The following MACROD2 variants were observed in gnomAD, a reference collection of about 807,000 sequenced individuals.
MACROD2 encodes mono-ADP ribosylhydrolase 2, also known as ADP-ribose glycohydrolase MACROD2.
A neutral mutation model predicts 70.4 loss-of-function variants in MACROD2; 36 were observed. The observed-to-expected ratio is 0.51, with a 90% CI of 0.39 to 0.68. The LOEUF is 0.68. MACROD2 is among the 30% of genes least tolerant of loss of function. The pLI, the probability that MACROD2 is intolerant of heterozygous loss-of-function variation, is 0.00. For synonymous variants in MACROD2, 172 were observed against 178.8 expected (o/e 0.96, Z 0.30); for missense variants, 496 against 538.4 (o/e 0.92, Z 0.78).
chr20:14,100,875 A>G (rs2054295605), intron 3 of MACROD2, among the ~76,000 whole-genome samples: 1 of 144,032 alleles, frequency 6.9e-6, no homozygotes, highest in Non-Finnish European at 1.5e-5. Flanking sequence ...TATAAATAGT[A>G]TATTTATTTT....
intron 15 of MACROD2, among the ~76,000 whole-genome samples, chr20:16,035,081 ATG>A (rs1232697774): frequency 8.6e-5 from 2 of 23,384 alleles, no homozygotes; most frequent in Non-Finnish European, 5.5e-4. Flanking sequence ...AAAATATAAT[ATG>A]TAATATAAAA....
intron 8 of MACROD2, among the ~76,000 whole-genome samples, chr20:15,792,202 T>C (rs1400700710): frequency 1.3e-5 from 2 of 152,040 alleles, no homozygotes; most frequent in Non-Finnish European, 2.9e-5. Context: ...AAAAATTGGA[T>C]GGTAGTCTCA....
At chr20:15,863,352 C>G (rs962271409) in intron 9 of MACROD2, among the ~76,000 whole-genome samples, 1 of 152,142 alleles carries the variant, frequency 6.6e-6, no homozygotes, top group African/African-American at 2.4e-5. Flanking sequence ...CAGTCATTCA[C>G]ACTTCTTTTT....
chr20:15,699,162 G>C (rs1273172662), intron 8 of MACROD2, among the ~76,000 whole-genome samples: 1 of 152,054 alleles, frequency 6.6e-6, no homozygotes, highest in Non-Finnish European at 1.5e-5. Context: ...GCCTTGTTTT[G>C]TCATATTACC....
intron 15 of MACROD2, among the ~76,000 whole-genome samples, chr20:16,023,336 A>G (rs1168541624): frequency 9.9e-5 from 15 of 151,928 alleles, no homozygotes; most frequent in Admixed American, 1.3e-4. Flanking sequence ...TTAGCCGGGC[A>G]TGGTGGCGGG....
intron 10 of MACROD2, among the ~76,000 whole-genome samples, chr20:15,889,294 G>A (rs2064859754): frequency 6.6e-6 from 1 of 152,154 alleles, no homozygotes; most frequent in South Asian, 2.1e-4. Flanking sequence ...GCTCTGCTGA[G>A]CCAGACTTTA....
In MACROD2 at chr20:14,031,325, C is replaced by G. The variant is rs545694202; in HGVS notation, c.163+28921C>G. Among the ~76,000 whole-genome samples, 11 of 152,214 alleles carry G rather than the reference C, an allele frequency of 7.2e-5. No homozygotes were observed. The South Asian group carries it at 1.7e-3, about 23-fold the overall frequency. On this transcript the variant is annotated intron_variant, in intron 2 of 17. Coordinates refer to ENST00000684519, the MANE Select transcript of MACROD2 (RefSeq NM_001351661.2). ...AAAGTAAGTACAATATGTAGTATCTCAGTGTGCATATGGCTTGGATGCTTA... is the reference window on the plus strand; with the variant it reads ...AAAGTAAGTACAATATGTAGTATCTGAGTGTGCATATGGCTTGGATGCTTA...
intron 5 of MACROD2, among the ~76,000 whole-genome samples, chr20:15,010,529 ATAACT>A (rs1459001803): frequency 6.6e-6 from 1 of 152,240 alleles, no homozygotes; most frequent in Non-Finnish European, 1.5e-5. Context: ...ATGAGAACAA[ATAACT>A]TAAACAGTGA....
intron 13 of MACROD2, among the ~76,000 whole-genome samples, chr20:15,979,556 G>A (rs772350170): frequency 3.3e-5 from 5 of 151,094 alleles, no homozygotes; most frequent in Admixed American, 6.6e-5. Context: ...CAGGCAAAGA[G>A]TCCAAGCTCC....
rs189851437 is a variant in MACROD2, at chr20:15,819,121, T to C, written c.646-43624T>C. Among the ~76,000 whole-genome samples, 226 of 150,970 alleles carry C rather than the reference T, an allele frequency of 1.5e-3. 1 individual carries two copies. Among genetic ancestry groups the C allele is most frequent in the South Asian group, 4.8e-3 (23 of 4,792 alleles). ...TTTTCATGTTCATTGCAGCATTATTTGCAATAGCTGGGTTCTGAAAACAAC... is the reference window on the plus strand; with the variant it reads ...TTTTCATGTTCATTGCAGCATTATTCGCAATAGCTGGGTTCTGAAAACAAC... On this transcript the variant is annotated intron_variant, in intron 8 of 17. Coordinates refer to ENST00000684519, the MANE Select transcript of MACROD2 (RefSeq NM_001351661.2).
At chr20:15,611,502 C>T (rs2048968885) in intron 8 of MACROD2, among the ~76,000 whole-genome samples, 1 of 152,082 alleles carries the variant, frequency 6.6e-6, no homozygotes, top group African/African-American at 2.4e-5. Flanking sequence ...AAGCACCTAC[C>T]TGGTGCCTAG....
chr20:14,964,401 T>C (rs978750472), intron 5 of MACROD2, among the ~76,000 whole-genome samples: 365 of 151,714 alleles, frequency 2.4e-3, no homozygotes, highest in African/African-American at 8.4e-3. Context: ...TGAAACCCCG[T>C]CTCTACTAAA....
intron 5 of MACROD2, among the ~76,000 whole-genome samples, chr20:15,101,402 A>G (rs1040368864): frequency 6.6e-6 from 1 of 151,918 alleles, no homozygotes; most frequent in African/African-American, 2.4e-5. Context: ...TGAATCCATG[A>G]AAGTTAACAT....
rs186308354 is a variant in MACROD2 at position 15,989,004 on chromosome 20, A to G, written c.1153+1846A>G. Reference sequence around the variant, plus strand: ...CAAGCTGGGTGACTTTGGACAAGTTACTTAACCTATCTGCTTCAGGTTCTT... The same window carrying G: ...CAAGCTGGGTGACTTTGGACAAGTTGCTTAACCTATCTGCTTCAGGTTCTT... On this transcript the variant is annotated intron_variant, in intron 15 of 17. Transcript: ENST00000684519. 1.4e-4 allele frequency among the ~76,000 whole-genome samples: 22 copies of G among 152,316 alleles called. No homozygotes were observed. In the East Asian group the frequency reaches 4.2e-3, roughly 29 times the overall value.
intron 5 of MACROD2, among the ~76,000 whole-genome samples, chr20:15,018,495 G>C (rs915372306): frequency 6.6e-6 from 1 of 152,086 alleles, no homozygotes; most frequent in Non-Finnish European, 1.5e-5. Context: ...CTGTTATCCA[G>C]TTCCAAAGAT....
At chr20:15,419,028 T>G (rs1417015732) in intron 6 of MACROD2, among the ~76,000 whole-genome samples, 7 of 152,062 alleles carry the variant, frequency 4.6e-5, no homozygotes, top group Admixed American at 4.6e-4. Flanking sequence ...ATGTCTTAGG[T>G]TGGTTTCCTC....
At chr20:14,583,836 A>G (rs1443814476) in intron 4 of MACROD2, among the ~76,000 whole-genome samples, 6 of 152,204 alleles carry the variant, frequency 3.9e-5, no homozygotes, top group Admixed American at 2.6e-4. Context: ...AAGACGAGAA[A>G]GAGACAGAGT....
intron 2 of MACROD2, among the ~76,000 whole-genome samples, chr20:14,013,382 C>T (rs887294513): frequency 6.6e-6 from 1 of 151,428 alleles, no homozygotes; most frequent in African/African-American, 2.4e-5. Context: ...ATGCCATACT[C>T]CTGCCTCAGC....
At chr20:14,500,509 G>T (rs1476126174) in intron 4 of MACROD2, among the ~76,000 whole-genome samples, 1 of 152,154 alleles carries the variant, frequency 6.6e-6, no homozygotes, top group Non-Finnish European at 1.5e-5. Flanking sequence ...AGCCCTGATT[G>T]CTCTAATCTT....
Sources: allele counts gnomAD v4.1 joint callset (sites outside exome capture counted in the v4.1 genomes callset), GRCh38; gene constraint gnomAD v4.1.1; transcripts MANE v1.5; gene names NCBI Gene and HGNC (gene_info 2026-07-23, HGNC 2026-07-21).